GPLD1: variants seen among roughly 807,000 people sequenced by gnomAD.
GPLD1 encodes phosphatidylinositol-glycan-specific phospholipase D.
GPLD1 carries 84 observed loss-of-function variants against 112.6 expected under a neutral mutation model. That is an observed-to-expected ratio of 0.75 (90% CI 0.63 to 0.89). The LOEUF (loss-of-function observed/expected upper bound fraction) is 0.89. Ranked by LOEUF, GPLD1 falls within the 40% of genes least tolerant of loss-of-function variation. The pLI is 0.00. For synonymous variants in GPLD1, 386 were observed against 403.8 expected, an observed-to-expected ratio of 0.96 and a Z score of 0.53; for missense variants, 1,044 against 1,051.5, an observed-to-expected ratio of 0.99 and a Z score of 0.10.
chr6:24,449,566 C>A (rs762638378), intron 15 of GPLD1, among the ~76,000 whole-genome samples: 3 of 152,156 alleles, frequency 2.0e-5, no homozygotes, highest in Non-Finnish European at 2.9e-5. Flanking sequence ...ATTGGGAAAC[C>A]ATAGGGCCAA....
At chr6:24,453,116 G>C (rs909152813) in intron 14 of GPLD1, among the ~76,000 whole-genome samples, 1 of 152,264 alleles carries the variant, frequency 6.6e-6, no homozygotes, top group South Asian at 2.1e-4. Context: ...GACTCCACGA[G>C]GAACGTTTGT....
intron 18 of GPLD1, among the ~76,000 whole-genome samples, chr6:24,446,339 GT>G: frequency 1.1e-5 from 1 of 93,448 alleles, no homozygotes; most frequent in East Asian, 4.0e-4. Context: ...CTATAAAAAT[GT>G]TTTTAAATTA....
chr6:24,472,647 A>G lies in GPLD1; in HGVS notation c.491-11T>C, dbSNP rs760297864. The G allele has an allele frequency of 3.9e-6, 6 of 1,527,148 alleles. No individual in the cohort carries two copies. The highest frequency in any genetic ancestry group is 1.4e-5 in the African/African-American group (1 of 73,356). 94.6% of individuals were successfully genotyped at this position (1,527,148 alleles called of 1,614,324 possible). ...TCAACACATCTCCTCCTAGGGTATGAGAAAAATATTGACATTTGGTGGATT... is the reference window on the plus strand; with the variant it reads ...TCAACACATCTCCTCCTAGGGTATGGGAAAAATATTGACATTTGGTGGATT... On this transcript the variant is annotated splice_polypyrimidine_tract_variant and intron_variant, in intron 6 of 24. Transcript: ENST00000230036.
intron 1 of GPLD1, 41 bp from the exon 2 acceptor site, chr6:24,486,171 T>G (rs768266679): frequency 1.7e-6 from 2 of 1,144,868 alleles, no homozygotes; most frequent in South Asian, 1.3e-5. Flanking sequence ...GTTCAACTAT[T>G]ACTGAAAACA....
intron 15 of GPLD1, among the ~76,000 whole-genome samples, chr6:24,448,553 C>T (rs1762985637): frequency 6.6e-6 from 1 of 152,044 alleles, no homozygotes; most frequent in Non-Finnish European, 1.5e-5. Flanking sequence ...CTGTCACTTC[C>T]ATCAGACTAT....
At chr6:24,473,550 G>T in intron 6 of GPLD1, 69 bp downstream of exon 6, 1 of 930,438 alleles carries the variant, frequency 1.1e-6, no homozygotes, top group Non-Finnish European at 1.8e-6. Flanking sequence ...CATATTTAAA[G>T]CACAGTAGTG....
intron 2 of GPLD1, among the ~76,000 whole-genome samples, chr6:24,481,072 G>A (rs7773122): frequency 0.03 from 4,643 of 152,296 alleles, 155 homozygotes; most frequent in African/African-American, 0.071. Context: ...GTATGAGACC[G>A]TTGAATTTGT....
At chr6:24,451,856 G>A (rs1347535015) in intron 14 of GPLD1, among the ~76,000 whole-genome samples, 1 of 152,212 alleles carries the variant, frequency 6.6e-6, no homozygotes, top group Non-Finnish European at 1.5e-5. Flanking sequence ...CGCTAGGGCA[G>A]GGTGGGAACC....
chr6:24,451,959 AGAG>A (rs1763105536), intron 14 of GPLD1, among the ~76,000 whole-genome samples: 1 of 152,204 alleles, frequency 6.6e-6, no homozygotes, highest in Admixed American at 6.5e-5. Flanking sequence ...AGTCATTCCG[AGAG>A]GAGCACAGAA....
At chr6:24,448,231 T>C (rs13191455) in intron 15 of GPLD1, 23 bp from the exon 16 acceptor site, 420,317 of 1,524,418 alleles carry the variant, frequency 0.28, 60,850 homozygotes, top group Non-Finnish European at 0.3. Flanking sequence ...AAACAGCAGA[T>C]AGACATGAGG....
intron 8 of GPLD1, 49 bp from the exon 9 acceptor site, chr6:24,466,988 G>T: frequency 6.7e-7 from 1 of 1,500,720 alleles, no homozygotes; most frequent in African/African-American, 1.4e-5. Flanking sequence ...TTGTAACAGA[G>T]AAATGAAGCA....
rs565191300 is a variant in GPLD1 at position 24,427,170 on chromosome 6, C to T, written c.*1862G>A. The stretch of plus-strand genomic sequence containing the variant: ...CTAGTTACTGTTTACAGATAATGCC[C>T]GCTAATGTTTACTGAAACTGAAACC... On this transcript the variant is annotated 3_prime_UTR_variant, in exon 25 of 25. Coordinates refer to ENST00000230036, the MANE Select transcript of GPLD1 (RefSeq NM_001503.4). Among the ~76,000 whole-genome samples the T allele has an allele frequency of 6.6e-5, 10 of 152,306 alleles. No homozygotes were observed. Among genetic ancestry groups the T allele is most frequent in the Admixed American group, 2.6e-4 (4 of 15,304 alleles).
At chr6:24,494,839 G>C (rs1199636778) in intron 1 of GPLD1, 3 of 819,956 alleles carry the variant, frequency 3.7e-6, no homozygotes, top group Non-Finnish European at 1.6e-6. Context: ...GACGCGGAGA[G>C]AGGGCGCTGC....
At position 24,449,859 on chromosome 6, in the gene GPLD1, A is replaced by C; in HGVS notation, c.1376T>G (p.Phe459Cys). The C allele has an allele frequency of 6.2e-7, 1 of 1,613,986 alleles. No homozygotes were observed. The highest frequency in any genetic ancestry group is 8.5e-7 in the Non-Finnish European group (1 of 1,179,968). ...RFGSALAVLD[F>C]NVDGVPDLAV... ...CAGGTCAGGCACGCCGTCCACGTTA[A>C]AGTCCAACACAGCCAAGGCCGAGCC... The change falls in exon 15 of 25, where the codon TTT (phenylalanine) becomes TGT (cysteine). Residue 459 changes from phenylalanine (F) to cysteine (C), a missense_variant. Transcript: ENST00000230036.
At chr6:24,441,324 T>C (rs1263039607) in intron 20 of GPLD1, among the ~76,000 whole-genome samples, 3 of 148,814 alleles carry the variant, frequency 2.0e-5, no homozygotes, top group Non-Finnish European at 4.5e-5. Context: ...AAAAAAAAAG[T>C]ATATCAAAAA....
chr6:24,425,024 A>G (rs1212712243), downstream of GPLD1: 1 of 152,278 alleles, frequency 6.6e-6, no homozygotes, highest in Non-Finnish European at 1.5e-5. Context: ...GCTAGACTCG[A>G]GCACGCAGTG....
chr6:24,493,510 C>T (rs192626760), upstream of GPLD1, among the ~76,000 whole-genome samples: 2 of 152,110 alleles, frequency 1.3e-5, no homozygotes, highest in South Asian at 2.1e-4. Flanking sequence ...ACAAAAACCA[C>T]CACCAAAAAC....
At chr6:24,474,208 T>C (rs115133004) in intron 5 of GPLD1, among the ~76,000 whole-genome samples, 324 of 108,674 alleles carry the variant, frequency 3.0e-3, no homozygotes, top group Admixed American at 4.1e-3. Flanking sequence ...CACACACACA[T>C]ATATATGCAG....
chr6:24,450,433 G>A (rs1019463494), intron 14 of GPLD1, among the ~76,000 whole-genome samples: 10 of 151,684 alleles, frequency 6.6e-5, no homozygotes, highest in African/African-American at 1.5e-4. Flanking sequence ...TCTGGGAGGC[G>A]GAGGTTGCAG....
Sources: allele counts gnomAD v4.1 joint callset (sites outside exome capture counted in the v4.1 genomes callset), GRCh38; gene constraint gnomAD v4.1.1; transcripts MANE v1.5; gene names NCBI Gene and HGNC (gene_info 2026-07-23, HGNC 2026-07-21).